The following POMGNT2 variants were observed in gnomAD, a reference collection of about 807,000 sequenced individuals.
POMGNT2 encodes the protein protein O-linked-mannose beta-1,4-N-acetylglucosaminyltransferase 2.
In POMGNT2, 32 loss-of-function variants were observed where a neutral mutation model predicts 37.8. That is an observed-to-expected ratio of 0.85 (90% CI 0.64 to 1.14). The LOEUF (loss-of-function observed/expected upper bound fraction) is 1.14. Ranked by LOEUF, POMGNT2 falls within the 50% of genes most tolerant of loss-of-function variation. POMGNT2 has a pLI of 0.00. For synonymous variants in POMGNT2, 340 were observed against 336.8 expected, an observed-to-expected ratio of 1.01 and a Z score of -0.10; for missense variants, 705 against 780.6, an observed-to-expected ratio of 0.90 and a Z score of 1.15.
Position 43,081,011 on chromosome 3 carries a change from G to T in POMGNT2, c.421C>A (p.Arg141Ser), listed in dbSNP as rs150758981. The change falls in exon 2 of 2, where the codon CGC becomes AGC. Residue 141 changes from arginine to serine, a missense_variant. Transcript: ENST00000344697. ...ACGAACACCGGCTTGGGCATGAAGC[G>T]CAGGGCAGCAGCAGGCAGCTCCACG... ...NFVELPAAALRFMPKPVFVPD... is the reference protein window; with the variant it reads ...NFVELPAAALSFMPKPVFVPD... 1 of 1,614,234 alleles carries T rather than the reference G, an allele frequency of 6.2e-7. No homozygotes were observed. The highest frequency in any genetic ancestry group is 8.5e-7 in the Non-Finnish European group (1 of 1,180,040).
At chr3:43,102,324 G>C (rs757597214) in intron 1 of POMGNT2, among the ~76,000 whole-genome samples, 18 of 152,234 alleles carry the variant, frequency 1.2e-4, no homozygotes, top group Non-Finnish European at 2.4e-4. Flanking sequence ...ACACAGCAAA[G>C]AAGGGGCCTT....
At position 43,080,036 on chromosome 3, in the gene POMGNT2, T is replaced by C; in HGVS notation, c.1396A>G (p.Lys466Glu). The C allele has an allele frequency of 6.2e-7, 1 of 1,613,864 alleles. No individual in the cohort carries two copies. Among genetic ancestry groups the C allele is most frequent in the Non-Finnish European group, 8.5e-7 (1 of 1,180,020 alleles). ...SLIQTIRRVV[K>E]GRPGPRKQKW... ...TGCTTCCGTGGTCCTGGCCGGCCCT[T>C]CACCACGCGCCGTATGGTTTGAATG... Residue 466 changes from lysine to glutamate, a missense_variant, in exon 2 of 2, where the codon AAG (lysine) becomes GAG (glutamate). Lys to Glu is a moderately conservative substitution (Grantham distance 56, BLOSUM62 1). Transcript: ENST00000344697.
chr3:43,088,387 AC>A (rs2089914916), intron 1 of POMGNT2, among the ~76,000 whole-genome samples: 1 of 152,168 alleles, frequency 6.6e-6, no homozygotes, highest in Admixed American at 6.5e-5. Context: ...TCAGTCGCCA[AC>A]CCTCTGCTTC....
rs758358962 is a variant in POMGNT2, at chr3:43,079,665, C to T, written c.*24G>A. ...CGCTGAACTGCAGGAGCCACCTTCC[C>T]GAGGCCAGGCTGTGGCCTGCTCGCT... On this transcript the variant is annotated 3_prime_UTR_variant, in exon 2 of 2. Transcript: ENST00000344697. 15 of 1,588,162 alleles carry T rather than the reference C, an allele frequency of 9.4e-6. No individual in the cohort carries two copies. Among genetic ancestry groups the T allele is most frequent in the African/African-American group, 8.1e-5 (6 of 74,426 alleles).
intron 1 of POMGNT2, among the ~76,000 whole-genome samples, chr3:43,082,585 G>A (rs970675963): frequency 6.6e-6 from 1 of 152,198 alleles, no homozygotes; most frequent in Admixed American, 6.5e-5. Context: ...AGGGTATCAT[G>A]CCTGCTCTGG....
At chr3:43,090,751 T>TGGA (rs1196200386) in intron 1 of POMGNT2, 1 of 150,408 alleles carries the variant, frequency 6.6e-6, no homozygotes, top group Non-Finnish European at 1.5e-5. Context: ...TACCAGGGGG[T>TGGA]GGAAGGGAGA....
At chr3:43,081,690 G>A (rs962445291) in intron 1 of POMGNT2, among the ~76,000 whole-genome samples, 154 bp from the exon 2 acceptor site, 17 of 152,234 alleles carry the variant, frequency 1.1e-4, no homozygotes, top group Admixed American at 6.5e-4. Context: ...AGGCGTGGTA[G>A]ATTAGACCAT....
At position 43,103,637 on chromosome 3, in the gene POMGNT2, G is replaced by A. The variant is rs78711366; in HGVS notation, c.-106+2199C>T. Among the ~76,000 whole-genome samples the A allele has an allele frequency of 3.6e-3, 542 of 152,230 alleles. 9 individuals carry two copies. In the East Asian group the frequency reaches 0.055, roughly 15 times the overall value. ...GCAGGGTCCTGCCTCTGACCCACTT[G>A]GTGCGGGAAGACTCCCTGCTGCAAG... On this transcript the variant is annotated intron_variant, in intron 1 of 1. Coordinates refer to ENST00000344697, the MANE Select transcript of POMGNT2 (RefSeq NM_032806.6).
intron 1 of POMGNT2, among the ~76,000 whole-genome samples, chr3:43,094,168 G>A (rs1385849127): frequency 6.6e-6 from 1 of 152,132 alleles, no homozygotes; most frequent in Non-Finnish European, 1.5e-5. Flanking sequence ...ACCTGCATAA[G>A]CCAGCCAAAC....
intron 1 of POMGNT2, among the ~76,000 whole-genome samples, chr3:43,084,434 A>T (rs2089879657): frequency 6.6e-6 from 1 of 152,248 alleles, no homozygotes; most frequent in Non-Finnish European, 1.5e-5. Flanking sequence ...TCACGAGGTC[A>T]GGAGTTCGAG....
At position 43,090,215 on chromosome 3, in the gene POMGNT2, G is replaced by A. The variant is rs139303975; in HGVS notation, c.-105-8679C>T. Among the ~76,000 whole-genome samples the A allele has an allele frequency of 6.0e-3, 913 of 152,180 alleles. 3 individuals carry two copies. The highest frequency in any genetic ancestry group is 0.02 in the African/African-American group (847 of 41,516). ...GTATCCCCTTCTCCCTCATTCATAA[G>A]ACTCTCTTCTGCAAAGTCTGCTCCT... On this transcript the variant is annotated intron_variant, in intron 1 of 1. Coordinates refer to ENST00000344697, the MANE Select transcript of POMGNT2 (RefSeq NM_032806.6).
At chr3:43,103,967 G>A (rs965408906) in intron 1 of POMGNT2, among the ~76,000 whole-genome samples, 10 of 152,174 alleles carry the variant, frequency 6.6e-5, no homozygotes, top group East Asian at 1.9e-4. Flanking sequence ...ATTATTAATC[G>A]TAATGGTAAA....
chr3:43,081,351 C>T lies in POMGNT2; in HGVS notation c.81G>A (p.Glu27=), dbSNP rs201572917. Residue 27 remains glutamate, a synonymous_variant, in exon 2 of 2, where the codon GAG becomes GAA. Coordinates refer to ENST00000344697, the MANE Select transcript of POMGNT2 (RefSeq NM_032806.6). ...GCTCCTCCTCCAGTGTGGCTGCATG[C>T]TCACGCAGCCGCACATGCTTCCACA... ...AVLWKHVRLR[E]HAATLEEELA... is the part of the protein sequence containing the mutation. The T allele has an allele frequency of 1.0e-4, 165 of 1,609,420 alleles. 3 individuals carry two copies. The East Asian group carries it at 1.6e-3, about 16-fold the overall frequency.
chr3:43,089,992 T>C (rs574294128), intron 1 of POMGNT2, among the ~76,000 whole-genome samples: 1 of 152,302 alleles, frequency 6.6e-6, no homozygotes, highest in African/African-American at 2.4e-5. Context: ...CAGAGGTCTG[T>C]GGCTGCCTTC....
chr3:43,084,368 A>C (rs58251851), intron 1 of POMGNT2, among the ~76,000 whole-genome samples: 1 of 152,038 alleles, frequency 6.6e-6, no homozygotes, highest in Non-Finnish European at 1.5e-5. Context: ...TGTATTGGCC[A>C]GGGGCGGTGG....
At position 43,098,860 on chromosome 3, in the gene POMGNT2, C is replaced by CGT. The variant is rs2089997433; in HGVS notation, c.-106+6975_-106+6976insAC. Among the ~76,000 whole-genome samples the CGT allele has an allele frequency of 3.9e-5, 6 of 152,210 alleles. No homozygotes were observed. The highest frequency in any genetic ancestry group is 8.8e-5 in the Non-Finnish European group (6 of 68,030). On this transcript the variant is annotated intron_variant, in intron 1 of 1. Coordinates refer to ENST00000344697, the MANE Select transcript of POMGNT2 (RefSeq NM_032806.6). The surrounding 1 kb of genome is among the most constrained non-coding windows in gnomAD (Gnocchi z 4.3). ...CAGGACGTTCGGCCTTCCACCAGCT[C>CGT]ATATGCAACCCTCTCACCGGTTTTC...
At chr3:43,089,969 A>G (rs2089929209) in intron 1 of POMGNT2, among the ~76,000 whole-genome samples, 1 of 152,182 alleles carries the variant, frequency 6.6e-6, no homozygotes, top group Non-Finnish European at 1.5e-5. Flanking sequence ...TGGGCCAGCC[A>G]CAGGTGAGAG....
chr3:43,080,573 C>T lies in POMGNT2; in HGVS notation c.859G>A (p.Glu287Lys), dbSNP rs774815839. 2.5e-6 allele frequency: 4 copies of T among 1,614,236 alleles called. No homozygotes were observed. In the Admixed American group the frequency reaches 5.0e-5, roughly 20 times the overall value. ...VSHTGVPLGE[E>K]YILVFSRTQN... ...GTTCGGCTAAAGACCAGAATGTACTCCTCGCCTAGGGGGACTCCTGTGTGG... is the reference window on the plus strand; with the variant it reads ...GTTCGGCTAAAGACCAGAATGTACTTCTCGCCTAGGGGGACTCCTGTGTGG... Residue 287 changes from glutamate (E) to lysine (K), a missense_variant, in exon 2 of 2, where the codon GAG becomes AAG. Coordinates refer to ENST00000344697, the MANE Select transcript of POMGNT2 (RefSeq NM_032806.6).
intron 1 of POMGNT2, among the ~76,000 whole-genome samples, chr3:43,100,347 A>G (rs1388632643): frequency 6.6e-6 from 1 of 152,250 alleles, no homozygotes; most frequent in African/African-American, 2.4e-5. Flanking sequence ...AAGAATTTAG[A>G]GATGACTTAA....
Sources: gnomAD v4.1 joint callset for allele counts (sites outside exome capture counted in the v4.1 genomes callset) on GRCh38, gnomAD v4.1.1 for gene constraint, Gnocchi (gnomAD v3.1) non-coding constraint, MANE v1.5 for transcripts, NCBI Gene and HGNC (gene_info 2026-07-23, HGNC 2026-07-21) for gene names.